Variants in FHAD1 observed in about 807,000 individuals in gnomAD.
FHAD1 encodes the protein forkhead-associated domain-containing protein 1.
A neutral mutation model predicts 191.3 loss-of-function variants in FHAD1; 146 were observed. That is an observed-to-expected ratio of 0.76 (90% CI 0.67 to 0.88). The LOEUF (loss-of-function observed/expected upper bound fraction) is 0.88, where lower values mean the gene tolerates loss of function less well. Among genes scored for constraint, FHAD1 ranks in the 40% least tolerant of loss-of-function variants. FHAD1 has a pLI of 0.00. For synonymous variants in FHAD1, 616 were observed against 672.3 expected (o/e 0.92, Z 1.29); for missense variants, 1,635 against 1,785.8 (o/e 0.92, Z 1.52).
chr1:15,359,693 A>C (rs929545858), intron 21 of FHAD1, among the ~76,000 whole-genome samples: 2 of 152,106 alleles, frequency 1.3e-5, no homozygotes, highest in African/African-American at 4.8e-5. Flanking sequence ...ACTAAAAAAA[A>C]AATACAAAAA....
Position 15,327,669 on chromosome 1 carries a change from G to A in FHAD1, c.1557+527G>A, listed in dbSNP as rs973639845. On this transcript the variant is annotated intron_variant, in intron 12 of 33. Transcript: ENST00000688493. The surrounding 1 kb of genome is among the most constrained non-coding windows in gnomAD (Gnocchi z 5.1). ...CCCATAATATCAGGCTCAGTGTTCT[G>A]AATCCCTATACAACACAGAAGAATC... The A allele has an allele frequency of 1.3e-5, 2 of 153,648 alleles. No individual in the cohort carries two copies. Among genetic ancestry groups the A allele is most frequent in the African/African-American group, 4.8e-5 (2 of 41,452 alleles). The allele number at this position is 153,648 out of a possible 1,614,324, so 9.5% of individuals were successfully genotyped here.
At chr1:15,338,847 T>C (rs958377295) in intron 14 of FHAD1, among the ~76,000 whole-genome samples, 1 of 152,092 alleles carries the variant, frequency 6.6e-6, no homozygotes, top group Non-Finnish European at 1.5e-5. Flanking sequence ...ACCTTGTCTT[T>C]CGGACTGAAC....
At chr1:15,354,252 C>T (rs1283332036) in intron 20 of FHAD1, among the ~76,000 whole-genome samples, 1 of 152,212 alleles carries the variant, frequency 6.6e-6, no homozygotes, top group Non-Finnish European at 1.5e-5. Flanking sequence ...GGGTGGAGGA[C>T]AGACTCAGGA....
At position 15,360,471 on chromosome 1, in the gene FHAD1, T is replaced by C. The variant is rs1333266137; in HGVS notation, c.2737-7T>C. 6 of 1,550,374 alleles carry C rather than the reference T, an allele frequency of 3.9e-6. No individual in the cohort carries two copies. The South Asian group carries it at 7.1e-5, about 18-fold the overall frequency. On this transcript the variant is annotated splice_region_variant and splice_polypyrimidine_tract_variant and intron_variant, in intron 21 of 33. Transcript: ENST00000688493. The stretch of plus-strand genomic sequence containing the variant: ...AAGACCTCACTGAGTGACTCTCTGT[T>C]TCCCAGATCATGGTGGAAGAGCGGC...
chr1:15,389,447 CAAAAAAA>C (rs570569622), intron 32 of FHAD1, among the ~76,000 whole-genome samples: 2 of 54,220 alleles, frequency 3.7e-5, no homozygotes, highest in African/African-American at 7.8e-5. Context: ...GAACCTGTCT[CAAAAAAA>C]AAAAAAAAAA....
At chr1:15,280,582 C>T (rs1464184234) in intron 3 of FHAD1, among the ~76,000 whole-genome samples, 5 of 152,126 alleles carry the variant, frequency 3.3e-5, no homozygotes, top group South Asian at 2.1e-4. Context: ...ACGGACGACC[C>T]GGCCCAAAAC....
At chr1:15,260,960 T>A (rs1474836677) in intron 2 of FHAD1, among the ~76,000 whole-genome samples, 1 of 152,190 alleles carries the variant, frequency 6.6e-6, no homozygotes, top group Non-Finnish European at 1.5e-5. Flanking sequence ...ATTCTGCCAA[T>A]CACAGTTATT....
intron 2 of FHAD1, among the ~76,000 whole-genome samples, chr1:15,260,931 C>T (rs1026390521): frequency 3.9e-5 from 6 of 152,200 alleles, no homozygotes; most frequent in South Asian, 2.1e-4. Context: ...GATTAGGACA[C>T]GGACACCTTT....
chr1:15,328,057 A>C, intron 12 of FHAD1: 1 of 336,106 alleles, frequency 3.0e-6, no homozygotes, highest in Non-Finnish European at 5.3e-6. Context: ...AGAAAAGAAA[A>C]AAGAAAAGAG....
chr1:15,250,532 G>A (rs1646647060), intron 1 of FHAD1, among the ~76,000 whole-genome samples: 1 of 152,194 alleles, frequency 6.6e-6, no homozygotes, highest in Admixed American at 6.5e-5. Flanking sequence ...GGGGAATACT[G>A]TGCAGGGTCC....
At chr1:15,238,122 C>G (rs1274212335) in intron 1 of FHAD1, among the ~76,000 whole-genome samples, 1 of 151,824 alleles carries the variant, frequency 6.6e-6, no homozygotes, top group Non-Finnish European at 1.5e-5. Flanking sequence ...TGGCGCACAC[C>G]TGTAACCCCA....
intron 18 of FHAD1, among the ~76,000 whole-genome samples, chr1:15,348,057 A>G (rs1396577416): frequency 6.6e-6 from 1 of 152,190 alleles, no homozygotes; most frequent in Non-Finnish European, 1.5e-5. Context: ...CTCTTTTACA[A>G]TTCACAGGAA....
At chr1:15,374,881 C>T (rs1699177704) in intron 27 of FHAD1, among the ~76,000 whole-genome samples, 2 of 132,642 alleles carry the variant, frequency 1.5e-5, no homozygotes, top group Admixed American at 8.0e-5. Flanking sequence ...TTTTTTGAGA[C>T]AGAGTCTCGC....
chr1:15,313,210 C>A (rs1672823295), intron 8 of FHAD1, 23 bp downstream of exon 8: 2 of 1,549,732 alleles, frequency 1.3e-6, no homozygotes, highest in African/African-American at 2.7e-5. Context: ...GACTGCGTCA[C>A]CTTGTAGCCA....
chr1:15,300,221 C>T (rs1668311719), intron 5 of FHAD1, among the ~76,000 whole-genome samples: 3 of 152,154 alleles, frequency 2.0e-5, no homozygotes, highest in African/African-American at 7.2e-5. Context: ...TCTTCGGCTA[C>T]GGTGCTTTTT....
intron 26 of FHAD1, among the ~76,000 whole-genome samples, chr1:15,369,983 CATTT>C (rs1161904781): frequency 6.6e-6 from 1 of 152,054 alleles, no homozygotes; most frequent in African/African-American, 2.4e-5. Context: ...TTCATTCATT[CATTT>C]ATTTTGAGGA....
chr1:15,238,279 TTGAAA>T (rs1645004250), intron 1 of FHAD1, among the ~76,000 whole-genome samples: 1 of 144,310 alleles, frequency 6.9e-6, no homozygotes, highest in South Asian at 2.2e-4. Context: ...AGGAGCACTG[TTGAAA>T]TGAGAAGAGA....
At chr1:15,342,842 G>A (rs374371465) in intron 16 of FHAD1, among the ~76,000 whole-genome samples, 1 of 148,824 alleles carries the variant, frequency 6.7e-6, no homozygotes, top group South Asian at 2.1e-4. Context: ...ATTTTTTTTT[G>A]TAGAGATGGG....
chr1:15,261,433 A>G (rs924734532), intron 2 of FHAD1, among the ~76,000 whole-genome samples: 2 of 152,170 alleles, frequency 1.3e-5, no homozygotes, highest in African/African-American at 2.4e-5. Context: ...GTGGGCACGC[A>G]TTGCTGTCTC....
Sources: allele counts gnomAD v4.1 joint callset (sites outside exome capture counted in the v4.1 genomes callset), GRCh38; gene constraint gnomAD v4.1.1; non-coding constraint Gnocchi (gnomAD v3.1); transcripts MANE v1.5; gene names NCBI Gene and HGNC (gene_info 2026-07-23, HGNC 2026-07-21).